TTLL5: variants seen among roughly 807,000 people sequenced by gnomAD.
The protein encoded by TTLL5 is tubulin tyrosine ligase like 5.
Under a neutral mutation model 168.4 loss-of-function variants are expected in TTLL5, and 132 were observed. That is an observed-to-expected ratio of 0.78 (90% CI 0.68 to 0.91). The LOEUF is 0.91. Among genes scored for constraint, TTLL5 ranks in the 40% least tolerant of loss-of-function variants. TTLL5 has a pLI of 0.00. For synonymous variants in TTLL5, 546 were observed against 558.6 expected (o/e 0.98, Z 0.32); for missense variants, 1,545 against 1,581.5 (o/e 0.98, Z 0.39).
intron 17 of TTLL5, among the ~76,000 whole-genome samples, chr14:75,750,945 A>C (rs774293350): frequency 4.6e-5 from 7 of 152,158 alleles, no homozygotes; most frequent in Non-Finnish European, 1.0e-4. Flanking sequence ...GATGAGATGA[A>C]GTGAGGTGAA....
At chr14:75,776,518 A>G (rs886453900) in intron 22 of TTLL5, among the ~76,000 whole-genome samples, 2 of 152,230 alleles carry the variant, frequency 1.3e-5, no homozygotes, top group Non-Finnish European at 2.9e-5. Context: ...CATGATTAAA[A>G]TTTACATTCA....
intron 30 of TTLL5, among the ~76,000 whole-genome samples, chr14:75,885,963 T>C (rs185050161): frequency 1.2e-3 from 187 of 152,352 alleles, no homozygotes; most frequent in Non-Finnish European, 1.5e-3. Context: ...GATGTGTTGC[T>C]TCATTTGCTT....
At chr14:75,939,355 A>G (rs1378787588) in intron 31 of TTLL5, among the ~76,000 whole-genome samples, 1 of 152,142 alleles carries the variant, frequency 6.6e-6, no homozygotes, top group Non-Finnish European at 1.5e-5. Flanking sequence ...TTTGAAAGTC[A>G]CTGTTAGTCA....
At chr14:75,753,757 C>T (rs191614863) in intron 18 of TTLL5, among the ~76,000 whole-genome samples, 230 of 151,582 alleles carry the variant, frequency 1.5e-3, no homozygotes, top group African/African-American at 5.1e-3. Flanking sequence ...TTTGGATTTA[C>T]GTAGAAGACA....
chr14:75,771,036 C>A (rs962306896), intron 20 of TTLL5, among the ~76,000 whole-genome samples: 2 of 152,162 alleles, frequency 1.3e-5, no homozygotes, highest in Non-Finnish European at 2.9e-5. Context: ...TTCTTATGGA[C>A]CTCCAAATGT....
intron 21 of TTLL5, among the ~76,000 whole-genome samples, chr14:75,773,310 A>G (rs1360770451): frequency 6.6e-6 from 1 of 152,178 alleles, no homozygotes; most frequent in Non-Finnish European, 1.5e-5. Context: ...TGAAAAAAAT[A>G]ATGTTTTAAT....
intron 3 of TTLL5, among the ~76,000 whole-genome samples, chr14:75,680,615 A>ATTTT (rs35254410): frequency 0.014 from 1,407 of 101,976 alleles, 56 homozygotes; most frequent in African/African-American, 0.041. Flanking sequence ...TAGAGCAGGG[A>ATTTT]TTTTTTTTTT....
chr14:75,924,808 C>G (rs2033956185), intron 31 of TTLL5, among the ~76,000 whole-genome samples: 1 of 152,050 alleles, frequency 6.6e-6, no homozygotes, highest in South Asian at 2.1e-4. Context: ...GTACACCTCC[C>G]AGACCGGGTG....
chr14:75,677,613 T>C (rs540081125), intron 3 of TTLL5, among the ~76,000 whole-genome samples: 59 of 151,106 alleles, frequency 3.9e-4, no homozygotes, highest in African/African-American at 1.4e-3. Flanking sequence ...CCCAGGCTGG[T>C]TTCTCTCTCT....
At chr14:75,806,960 C>A (rs1042618544) in intron 27 of TTLL5, among the ~76,000 whole-genome samples, 2 of 152,102 alleles carry the variant, frequency 1.3e-5, no homozygotes, top group Non-Finnish European at 2.9e-5. Flanking sequence ...CTCCTTCATT[C>A]CTTCATTACT....
intron 3 of TTLL5, among the ~76,000 whole-genome samples, chr14:75,673,615 G>A (rs1883911547): frequency 6.6e-6 from 1 of 152,194 alleles, no homozygotes; most frequent in African/African-American, 2.4e-5. Flanking sequence ...GAGAGAATAT[G>A]ATATTGTGAG....
chr14:75,827,983 C>T (rs144692757), intron 28 of TTLL5, among the ~76,000 whole-genome samples: 1,885 of 152,098 alleles, frequency 0.012, 15 homozygotes, highest in South Asian at 0.026. Context: ...TCCCAAAGTG[C>T]TGGGATTACA....
rs764082237 is a variant in TTLL5 at position 75,707,684 on chromosome 14, T to C, written c.717T>C (p.Tyr239=). The C allele has an allele frequency of 1.9e-6, 3 of 1,613,044 alleles. No individual in the cohort carries two copies. The Admixed American group carries it at 5.0e-5, about 27-fold the overall frequency. Residue 239 remains tyrosine (Y), a synonymous_variant, in exon 9 of 32, where the codon TAT becomes TAC. Transcript: ENST00000298832. ...CTTCCTATGATCCTCTTGTCATCTA[T>C]CTCTATGAAGAAGGATTGGCTAGGT... ...LVTSYDPLVI[Y]LYEEGLARFA...
At chr14:75,805,507 TG>T (rs905027887) in intron 27 of TTLL5, among the ~76,000 whole-genome samples, 11 of 152,206 alleles carry the variant, frequency 7.2e-5, no homozygotes, top group Non-Finnish European at 1.3e-4. Flanking sequence ...TACTTTCCCC[TG>T]GGATAAAGTT....
chr14:75,817,328 G>T (rs1207558289), intron 27 of TTLL5, among the ~76,000 whole-genome samples: 2 of 152,116 alleles, frequency 1.3e-5, no homozygotes, highest in African/African-American at 4.8e-5. Context: ...CCTTGTAGAA[G>T]CAGTAGGGGA....
intron 27 of TTLL5, among the ~76,000 whole-genome samples, chr14:75,794,087 T>A (rs1415178226): frequency 6.6e-6 from 1 of 152,202 alleles, no homozygotes; most frequent in African/African-American, 2.4e-5. Flanking sequence ...TGGAATTAGT[T>A]TTACTTCAGC....
At chr14:75,851,673 G>A (rs916547708) in intron 28 of TTLL5, among the ~76,000 whole-genome samples, 3 of 152,196 alleles carry the variant, frequency 2.0e-5, no homozygotes, top group African/African-American at 7.2e-5. Flanking sequence ...CCGTGCAGCC[G>A]CTCTCTCTGG....
At chr14:75,724,725 A>AT (rs1262956593) in intron 12 of TTLL5, among the ~76,000 whole-genome samples, 3 of 152,264 alleles carry the variant, frequency 2.0e-5, no homozygotes, top group African/African-American at 7.2e-5. Context: ...GATTTATAGA[A>AT]TTTTTTATGC....
chr14:75,869,064 T>TG (rs2030794576), intron 29 of TTLL5, among the ~76,000 whole-genome samples: 4 of 92,306 alleles, frequency 4.3e-5, no homozygotes, highest in African/African-American at 2.0e-4. Flanking sequence ...GTGTGTGTGT[T>TG]TAAGTTCCAG....
Sources: gnomAD v4.1 joint callset for allele counts (sites outside exome capture counted in the v4.1 genomes callset) on GRCh38, gnomAD v4.1.1 for gene constraint, MANE v1.5 for transcripts, NCBI Gene and HGNC (gene_info 2026-07-23, HGNC 2026-07-21) for gene names.